TNRC6A: variants seen among roughly 807,000 people sequenced by gnomAD.
The protein encoded by TNRC6A is trinucleotide repeat-containing gene 6A protein.
In TNRC6A, 44 loss-of-function variants were observed where a neutral mutation model predicts 221.2. That is an observed-to-expected ratio of 0.20 (90% CI 0.16 to 0.26). The LOEUF is 0.26. TNRC6A is among the 10% of genes least tolerant of loss of function. The pLI is 1.00. For missense variants in TNRC6A, 2,199 were observed against 2,404.4 expected, an observed-to-expected ratio of 0.91 and a Z score of 1.79; for synonymous variants, 847 against 838.5, an observed-to-expected ratio of 1.01 and a Z score of -0.18.
intron 2 of TNRC6A, among the ~76,000 whole-genome samples, chr16:24,719,621 T>C (rs1196892399): frequency 6.7e-6 from 1 of 148,386 alleles, no homozygotes; most frequent in African/African-American, 2.6e-5. Context: ...GTCATGCCAC[T>C]GTACTCTAGC....
intron 2 of TNRC6A, among the ~76,000 whole-genome samples, chr16:24,711,565 G>T (rs1044791158): frequency 6.6e-6 from 1 of 151,940 alleles, no homozygotes; most frequent in Non-Finnish European, 1.5e-5. Context: ...CTAGACTTTT[G>T]TATAAATTAA....
chr16:24,703,136 C>T (rs2056023004), intron 2 of TNRC6A, among the ~76,000 whole-genome samples: 1 of 152,134 alleles, frequency 6.6e-6, no homozygotes, highest in Admixed American at 6.6e-5. Flanking sequence ...TCACCACAAT[C>T]AATTTTAGAA....
At chr16:24,661,787 C>A (rs553764399) in intron 2 of TNRC6A, 2 of 152,278 alleles carry the variant, frequency 1.3e-5, no homozygotes, top group African/African-American at 4.8e-5. Context: ...ATTGAGGGTG[C>A]AATTAACTCA....
In TNRC6A at chr16:24,795,924, AAGG is replaced by A; in HGVS notation, c.3549_3551del (p.Arg1185del). The A allele has an allele frequency of 6.2e-7, 1 of 1,609,180 alleles. No homozygotes were observed. Among genetic ancestry groups the A allele is most frequent in the Non-Finnish European group, 8.5e-7 (1 of 1,176,372 alleles). Reference sequence around the variant, plus strand: ...CCTTACAGGGTCTGAGTGGCAAAAAAAGGAGAAGGGAAAGGGTGTGTAGCCTTT... The same window carrying A: ...CCTTACAGGGTCTGAGTGGCAAAAAAAGAAGGGAAAGGGTGTGTAGCCTTT... On this transcript the variant is annotated inframe_deletion, in exon 9 of 25. Transcript: ENST00000395799.
At chr16:24,621,664 T>A (rs185719061) in intron 1 of TNRC6A, among the ~76,000 whole-genome samples, 254 of 152,228 alleles carry the variant, frequency 1.7e-3, no homozygotes, top group African/African-American at 5.9e-3. Flanking sequence ...GGCCAACCTT[T>A]CTTAGCTAGA....
At chr16:24,705,349 T>G (rs1419836047) in intron 2 of TNRC6A, among the ~76,000 whole-genome samples, 1 of 151,582 alleles carries the variant, frequency 6.6e-6, no homozygotes, top group African/African-American at 2.4e-5. Flanking sequence ...TTTTTTTTTT[T>G]GAGACAGAAT....
At chr16:24,714,994 A>G (rs2056285962) in intron 2 of TNRC6A, among the ~76,000 whole-genome samples, 1 of 150,972 alleles carries the variant, frequency 6.6e-6, no homozygotes, top group South Asian at 2.1e-4. Flanking sequence ...CTCCTGCCTC[A>G]GCCTCCCGAG....
chr16:24,647,274 T>G (rs915324126), intron 2 of TNRC6A, among the ~76,000 whole-genome samples: 1 of 152,148 alleles, frequency 6.6e-6, no homozygotes, highest in Non-Finnish European at 1.5e-5. Flanking sequence ...TCTAACAAAA[T>G]TTTTACAACT....
At chr16:24,728,775 A>G (rs2056537791), upstream of TNRC6A, among the ~76,000 whole-genome samples, 1 of 152,196 alleles carries the variant, frequency 6.6e-6, no homozygotes, top group Non-Finnish European at 1.5e-5. Context: ...GTGTCTACAT[A>G]TATACATATC....
In TNRC6A at chr16:24,793,557, G is replaced by A. The variant is rs1029546656; in HGVS notation, c.3260G>A (p.Ser1087Asn). ...GTSAWGKPID[S>N]GPSWGEPIAA... is the part of the protein sequence containing the mutation. ...TCAGCATGGGGTAAGCCCATAGACAGTGGTCCCAGCTGGGGGGAACCCATT... is the reference window on the plus strand; with the variant it reads ...TCAGCATGGGGTAAGCCCATAGACAATGGTCCCAGCTGGGGGGAACCCATT... Residue 1087 changes from serine to asparagine, a missense_variant, in exon 7 of 25, where the codon AGT becomes AAT. Physicochemically the swap from Ser to Asn is conservative, Grantham distance 46. This residue lies in a region of TNRC6A where 1,405 missense variants were observed against 1,400.2 expected (regional missense o/e 1.00). Coordinates refer to ENST00000395799, the MANE Select transcript of TNRC6A (RefSeq NM_014494.4). 6.3e-7 allele frequency: 1 copy of A among 1,575,388 alleles called. No individual in the cohort carries two copies. The highest frequency in any genetic ancestry group is 8.6e-7 in the Non-Finnish European group (1 of 1,160,108).
At chr16:24,618,625 T>C (rs954777356) in intron 1 of TNRC6A, among the ~76,000 whole-genome samples, 1 of 151,470 alleles carries the variant, frequency 6.6e-6, no homozygotes, top group African/African-American at 2.4e-5. Context: ...TCATTCCTTT[T>C]ACTTTCCATT....
chr16:24,819,714 GCAGCTCC>G, intron 21 of TNRC6A: 1 of 199,260 alleles, frequency 5.0e-6, no homozygotes, highest in South Asian at 8.9e-5. Flanking sequence ...ATCTCCTTTG[GCAGCTCC>G]TGAGTTGGGG....
At chr16:24,674,149 T>C in intron 2 of TNRC6A, among the ~76,000 whole-genome samples, 1 of 152,116 alleles carries the variant, frequency 6.6e-6, no homozygotes. Context: ...TAGCTCACTG[T>C]AGCCTTGACC....
chr16:24,614,836 G>A (rs1433868765), intron 1 of TNRC6A, among the ~76,000 whole-genome samples: 1 of 152,198 alleles, frequency 6.6e-6, no homozygotes, highest in African/African-American at 2.4e-5. Context: ...TTGGGAGAAC[G>A]AGGCAGGTGG....
chr16:24,753,852 A>G (rs1480648806), intron 3 of TNRC6A, among the ~76,000 whole-genome samples: 1 of 152,240 alleles, frequency 6.6e-6, no homozygotes, highest in Non-Finnish European at 1.5e-5. Context: ...CATTTTTAAT[A>G]TAAGGAACCT....
At chr16:24,806,359 T>G in intron 16 of TNRC6A, 76 bp downstream of exon 16, 6 of 1,549,320 alleles carry the variant, frequency 3.9e-6, no homozygotes, top group Non-Finnish European at 5.3e-6. Context: ...AGCAAGAGAT[T>G]CAGAAATGTC....
Position 24,809,373 on chromosome 16 carries a change from AATATGG to A in TNRC6A, c.4570_4575del (p.Asp1524_Met1525del). 1 of 1,541,542 alleles carries A rather than the reference AATATGG, an allele frequency of 6.5e-7. No homozygotes were observed. Among genetic ancestry groups the A allele is most frequent in the Admixed American group, 1.8e-5 (1 of 54,936 alleles). On this transcript the variant is annotated inframe_deletion, in exon 18 of 25. Transcript: ENST00000395799. ...AGGCTTGAACTCAAACTTGAATGTAAATATGGATATGAACAGTATTAAAGAGCCACA... is the reference window on the plus strand; with the variant it reads ...AGGCTTGAACTCAAACTTGAATGTAAATATGAACAGTATTAAAGAGCCACA...
At chr16:24,806,179 A>T (rs2058427644) in intron 15 of TNRC6A, 27 bp from the exon 16 acceptor site, 1 of 1,613,098 alleles carries the variant, frequency 6.2e-7, no homozygotes, top group Non-Finnish European at 8.5e-7. Flanking sequence ...TGTGATAGTA[A>T]CAACCTTTTC....
chr16:24,620,467 C>G (rs1055669584), intron 1 of TNRC6A, among the ~76,000 whole-genome samples: 3 of 152,094 alleles, frequency 2.0e-5, no homozygotes, highest in Non-Finnish European at 4.4e-5. Flanking sequence ...TTTCTTGGGT[C>G]ACTGTTTCTA....
Sources: gnomAD v4.1 joint callset for allele counts (sites outside exome capture counted in the v4.1 genomes callset) on GRCh38, gnomAD v4.1.1 for gene constraint, gnomAD v4.1.1 regional missense constraint, MANE v1.5 for transcripts, NCBI Gene and HGNC (gene_info 2026-07-23, HGNC 2026-07-21) for gene names.